The following DSCAM variants were observed in gnomAD, a reference collection of about 807,000 sequenced individuals.
The protein encoded by DSCAM is DS cell adhesion molecule.
In DSCAM, 47 loss-of-function variants were observed where a neutral mutation model predicts 217.7. The ratio of observed to expected loss-of-function variants is 0.22; its 90% CI spans 0.17 to 0.28. DSCAM has a LOEUF of 0.28. Ranked by LOEUF, DSCAM falls within the 10% of genes least tolerant of loss-of-function variation. The pLI, the probability that DSCAM is intolerant of heterozygous loss-of-function variation, is 1.00. For missense variants in DSCAM, 2,080 were observed against 2,618.3 expected (o/e 0.79, Z 4.49); for synonymous variants, 1,056 against 1,015.3 (o/e 1.04, Z -0.76).
At chr21:40,477,799 G>C (rs1039585562) in intron 3 of DSCAM, among the ~76,000 whole-genome samples, 1 of 152,130 alleles carries the variant, frequency 6.6e-6, no homozygotes, top group South Asian at 2.1e-4. Context: ...TATTTTAAAA[G>C]ATAAAATAAC....
At chr21:40,410,731 C>T (rs572513711) in intron 3 of DSCAM, among the ~76,000 whole-genome samples, 8 of 149,132 alleles carry the variant, frequency 5.4e-5, no homozygotes, top group African/African-American at 1.9e-4. Context: ...CAAAGAAAAA[C>T]TGTTGATATA....
At chr21:40,806,569 G>A (rs1938585677) in intron 1 of DSCAM, among the ~76,000 whole-genome samples, 1 of 152,138 alleles carries the variant, frequency 6.6e-6, no homozygotes, top group Admixed American at 6.5e-5. Context: ...CAATTATGAG[G>A]TCTGAAAAAA....
At chr21:40,845,782 C>T (rs957716548) in intron 1 of DSCAM, among the ~76,000 whole-genome samples, 1 of 152,142 alleles carries the variant, frequency 6.6e-6, no homozygotes, top group Non-Finnish European at 1.5e-5. Flanking sequence ...CTGGTTCCCA[C>T]AAGAGAGGAA....
At chr21:40,157,586 G>C (rs2090492733) in intron 16 of DSCAM, among the ~76,000 whole-genome samples, 1 of 152,202 alleles carries the variant, frequency 6.6e-6, no homozygotes, top group African/African-American at 2.4e-5. Flanking sequence ...AGTAACAATG[G>C]AGCTCCAGTC....
rs368776336 is a variant in DSCAM at position 40,584,981 on chromosome 21, G to A, written c.508+107829C>T. ...TTCAGCTCTATTAATTCCAGAGAGA[G>A]TGCTCCCAAGAGCTGGTTGTTAAAA... On this transcript the variant is annotated intron_variant, in intron 3 of 32. Transcript: ENST00000400454. 3.0e-4 allele frequency among the ~76,000 whole-genome samples: 45 copies of A among 152,154 alleles called. 1 individual carries two copies. The South Asian group carries it at 9.3e-3, about 32-fold the overall frequency.
At chr21:40,349,852 G>C (rs1009178789) in intron 5 of DSCAM, among the ~76,000 whole-genome samples, 2 of 152,138 alleles carry the variant, frequency 1.3e-5, no homozygotes, top group Non-Finnish European at 2.9e-5. Flanking sequence ...AAAATAAAGA[G>C]AAATTCTTTA....
At chr21:40,237,535 G>A (rs1337591833) in intron 11 of DSCAM, among the ~76,000 whole-genome samples, 2 of 152,182 alleles carry the variant, frequency 1.3e-5, no homozygotes, top group East Asian at 3.8e-4. Flanking sequence ...CCCTGCAAAG[G>A]ATATAAACTC....
At chr21:40,562,230 G>T (rs2076725904) in intron 3 of DSCAM, among the ~76,000 whole-genome samples, 1 of 152,162 alleles carries the variant, frequency 6.6e-6, no homozygotes, top group Non-Finnish European at 1.5e-5. Context: ...TTTCCCCCAT[G>T]CGGTTCTCAT....
intron 9 of DSCAM, among the ~76,000 whole-genome samples, chr21:40,304,679 T>G (rs1272522688): frequency 6.6e-6 from 1 of 152,202 alleles, no homozygotes; most frequent in African/African-American, 2.4e-5. Context: ...TGTGGGGCCA[T>G]TCATTGGCCT....
At chr21:40,329,575 C>CAGAG (rs1439039887) in intron 8 of DSCAM, among the ~76,000 whole-genome samples, 1 of 151,464 alleles carries the variant, frequency 6.6e-6, no homozygotes, top group Non-Finnish European at 1.5e-5. Context: ...GATCGCGCCA[C>CAGAG]TGCACTCCAG....
At chr21:40,476,254 A>T (rs1474032349) in intron 3 of DSCAM, among the ~76,000 whole-genome samples, 2 of 152,320 alleles carry the variant, frequency 1.3e-5, no homozygotes, top group East Asian at 3.9e-4. Flanking sequence ...ATAATATGGC[A>T]TGAGAAAGGG....
intron 1 of DSCAM, among the ~76,000 whole-genome samples, chr21:40,816,641 G>A (rs2091883984): frequency 1.3e-5 from 2 of 152,148 alleles, no homozygotes; most frequent in South Asian, 2.1e-4. Flanking sequence ...AATAACAGGA[G>A]GAAAGACTGG....
At chr21:40,576,524 T>C (rs2076851769) in intron 3 of DSCAM, among the ~76,000 whole-genome samples, 1 of 152,076 alleles carries the variant, frequency 6.6e-6, no homozygotes, top group Admixed American at 6.6e-5. Context: ...CATATTAAGC[T>C]AAAAAATGAT....
chr21:40,418,900 T>C (rs2075396878), intron 3 of DSCAM, among the ~76,000 whole-genome samples: 1 of 152,098 alleles, frequency 6.6e-6, no homozygotes, highest in African/African-American at 2.4e-5. Context: ...GAACTGGACA[T>C]GAATATTCAA....
At chr21:40,614,719 G>A (rs991809544) in intron 3 of DSCAM, among the ~76,000 whole-genome samples, 7 of 152,252 alleles carry the variant, frequency 4.6e-5, no homozygotes, top group Admixed American at 2.6e-4. Flanking sequence ...GCTGACTATC[G>A]TATGAGATGA....
At chr21:40,238,495 T>C (rs1260525155) in intron 11 of DSCAM, among the ~76,000 whole-genome samples, 1 of 152,152 alleles carries the variant, frequency 6.6e-6, no homozygotes, top group Non-Finnish European at 1.5e-5. Flanking sequence ...GATAGAGGTG[T>C]TCACCGCTAA....
intron 16 of DSCAM, among the ~76,000 whole-genome samples, chr21:40,146,205 G>C (rs1349883485): frequency 6.6e-6 from 1 of 151,194 alleles, no homozygotes; most frequent in Non-Finnish European, 1.5e-5. Context: ...CATCTAGAAA[G>C]TGTGAGTATG....
chr21:40,070,382 G>A (rs1183789152), intron 27 of DSCAM, among the ~76,000 whole-genome samples: 2 of 147,374 alleles, frequency 1.4e-5, no homozygotes, highest in African/African-American at 5.0e-5. Context: ...GGAGAGAAAA[G>A]CAAGGAAGGA....
At chr21:40,311,713 T>C (rs559850693) in intron 9 of DSCAM, among the ~76,000 whole-genome samples, 19 of 152,278 alleles carry the variant, frequency 1.2e-4, no homozygotes, top group African/African-American at 4.1e-4. Context: ...AAACCATTTA[T>C]TGAAATAAGA....
Sources: gnomAD v4.1 joint callset for allele counts (sites outside exome capture counted in the v4.1 genomes callset) on GRCh38, gnomAD v4.1.1 for gene constraint, MANE v1.5 for transcripts, NCBI Gene and HGNC (gene_info 2026-07-23, HGNC 2026-07-21) for gene names.